The following KPNA1 variants were observed in gnomAD, a reference collection of about 807,000 sequenced individuals.
The protein encoded by KPNA1 is karyopherin subunit alpha 1.
Under a neutral mutation model 70.5 loss-of-function variants are expected in KPNA1, and 10 were observed. That is an observed-to-expected ratio of 0.14 (90% confidence interval 0.09 to 0.24). The LOEUF is 0.24. Among genes scored for constraint, KPNA1 ranks in the 10% least tolerant of loss-of-function variants. The probability of loss-of-function intolerance (pLI) is 1.00; values close to 1 mark genes in which losing one functional copy is unlikely to be tolerated. For synonymous variants in KPNA1, 192 were observed against 221.9 expected (o/e 0.87, Z 1.20); for missense variants, 397 against 637.9 (o/e 0.62, Z 4.07).
chr3:122,471,915 G>A (rs1447394186), intron 2 of KPNA1, among the ~76,000 whole-genome samples: 2 of 152,170 alleles, frequency 1.3e-5, no homozygotes, highest in Non-Finnish European at 2.9e-5. Context: ...AATGCTTAGC[G>A]TGTATAAGCC....
intron 2 of KPNA1, among the ~76,000 whole-genome samples, chr3:122,488,660 G>T (rs895469644): frequency 5.3e-5 from 8 of 152,222 alleles, no homozygotes; most frequent in African/African-American, 1.9e-4. Flanking sequence ...GTCTGGGGGT[G>T]AAGAATTCTT....
chr3:122,436,446 T>TG (rs1477916646), intron 11 of KPNA1, among the ~76,000 whole-genome samples: 1 of 152,218 alleles, frequency 6.6e-6, no homozygotes, highest in South Asian at 2.1e-4. Flanking sequence ...TTTTGCAGCT[T>TG]GGGGGGCATC....
intron 2 of KPNA1, among the ~76,000 whole-genome samples, chr3:122,494,440 G>A (rs1001327787): frequency 2.0e-5 from 3 of 152,188 alleles, no homozygotes; most frequent in Admixed American, 2.0e-4. Context: ...TCAGTTGGTT[G>A]ACAGTATGGG....
intron 1 of KPNA1, among the ~76,000 whole-genome samples, chr3:122,498,087 T>A (rs1276269809): frequency 6.6e-6 from 1 of 152,228 alleles, no homozygotes; most frequent in Non-Finnish European, 1.5e-5. Flanking sequence ...CTCATTTTTT[T>A]GCATGTGTCT....
chr3:122,441,523 A>T (rs1033486641), intron 10 of KPNA1, among the ~76,000 whole-genome samples: 2 of 152,222 alleles, frequency 1.3e-5, no homozygotes, highest in African/African-American at 4.8e-5. Flanking sequence ...AGTCACTATC[A>T]TAGGACAACC....
chr3:122,447,474 C>G (rs2076152672), intron 9 of KPNA1, among the ~76,000 whole-genome samples: 1 of 152,132 alleles, frequency 6.6e-6, no homozygotes, highest in Non-Finnish European at 1.5e-5. Context: ...ATTCAACAGC[C>G]CTTCATGCTA....
intron 10 of KPNA1, among the ~76,000 whole-genome samples, chr3:122,439,633 G>A (rs2076037647): frequency 6.6e-6 from 1 of 152,174 alleles, no homozygotes. Flanking sequence ...ATTATTTCTA[G>A]AGGAAGATAA....
At chr3:122,466,341 A>G (rs1436079046) in intron 3 of KPNA1, among the ~76,000 whole-genome samples, 3 of 152,166 alleles carry the variant, frequency 2.0e-5, no homozygotes, top group Non-Finnish European at 4.4e-5. Context: ...CCAATGGAGA[A>G]AAATACTAGG....
chr3:122,424,406 C>T lies in KPNA1; in HGVS notation c.*2579G>A, dbSNP rs1197621079. 1 of 152,120 alleles carries T rather than the reference C, an allele frequency of 6.6e-6. No homozygotes were observed. Among genetic ancestry groups the T allele is most frequent in the Non-Finnish European group, 1.5e-5 (1 of 68,024 alleles). The allele number at this position is 152,120 out of a possible 1,614,324, so 9.4% of individuals were successfully genotyped here. ...AAAAAGCCTGCTTCAGTACCAAGTT[C>T]CAACATATCTGAGTTATGCTACTTC... On this transcript the variant is annotated 3_prime_UTR_variant, in exon 14 of 14. Transcript: ENST00000344337.
intron 2 of KPNA1, among the ~76,000 whole-genome samples, chr3:122,489,016 T>C (rs918633481): frequency 6.6e-6 from 1 of 150,956 alleles, no homozygotes; most frequent in African/African-American, 2.4e-5. Flanking sequence ...TTTAGCTTTC[T>C]TGAAGTTGTC....
intron 3 of KPNA1, among the ~76,000 whole-genome samples, chr3:122,466,997 T>C (rs1169855510): frequency 7.1e-6 from 1 of 141,808 alleles, no homozygotes; most frequent in African/African-American, 2.6e-5. Context: ...CAAGACCCTG[T>C]CTCTAAAACA....
At chr3:122,478,285 C>T (rs1481010809) in intron 2 of KPNA1, among the ~76,000 whole-genome samples, 2 of 151,978 alleles carry the variant, frequency 1.3e-5, no homozygotes, top group African/African-American at 4.8e-5. Context: ...TTACATCCTT[C>T]GTTCACAAAA....
intron 2 of KPNA1, among the ~76,000 whole-genome samples, chr3:122,494,376 C>T (rs2076733647): frequency 6.6e-6 from 1 of 152,140 alleles, no homozygotes; most frequent in Admixed American, 6.5e-5. Flanking sequence ...CAGCACTATT[C>T]ATTGAATAGG....
intron 1 of KPNA1, among the ~76,000 whole-genome samples, chr3:122,513,603 A>G (rs1229082293): frequency 1.3e-5 from 2 of 152,082 alleles, no homozygotes; most frequent in African/African-American, 4.8e-5. Context: ...CAGGAGTTCC[A>G]GATCAGCCCG....
rs374775950 is a variant in KPNA1, at chr3:122,426,770, T to C, written c.*215A>G. On this transcript the variant is annotated 3_prime_UTR_variant, in exon 14 of 14. Coordinates refer to ENST00000344337, the MANE Select transcript of KPNA1 (RefSeq NM_002264.4). Reference sequence around the variant, plus strand: ...TTTTCCGTAAAAGAGAGTGGGCCGTTCTGGTTACCCTTTTATTAGAAGGGT... The same window carrying C: ...TTTTCCGTAAAAGAGAGTGGGCCGTCCTGGTTACCCTTTTATTAGAAGGGT... 41 of 457,520 alleles carry C rather than the reference T, an allele frequency of 9.0e-5. No homozygotes were observed. The highest frequency in any genetic ancestry group is 8.2e-4 in the African/African-American group (41 of 50,230). The allele number at this position is 457,520 out of a possible 1,614,324, so 28.3% of individuals were successfully genotyped here. A position where few individuals can be genotyped will look rare whatever the true frequency, so the allele number is the denominator to read the frequency against.
intron 11 of KPNA1, among the ~76,000 whole-genome samples, 170 bp downstream of exon 11, chr3:122,437,000 G>A (rs910879269): frequency 2.6e-5 from 4 of 152,142 alleles, no homozygotes; most frequent in African/African-American, 9.7e-5. Flanking sequence ...GGATAGTCTT[G>A]AACTCCTGAC....
intron 1 of KPNA1, among the ~76,000 whole-genome samples, chr3:122,500,160 T>TACA (rs945553566): frequency 1.1e-3 from 167 of 152,284 alleles, no homozygotes; most frequent in African/African-American, 3.9e-3. Flanking sequence ...CTCACTCTGT[T>TACA]GCCCAGGCTG....
intron 5 of KPNA1, among the ~76,000 whole-genome samples, chr3:122,458,132 T>G (rs1235562097): frequency 6.6e-6 from 1 of 152,238 alleles, no homozygotes; most frequent in Non-Finnish European, 1.5e-5. Context: ...AGGCAATATA[T>G]TTATTTCTAG....
At chr3:122,501,088 G>A (rs190283401) in intron 1 of KPNA1, among the ~76,000 whole-genome samples, 30 of 149,402 alleles carry the variant, frequency 2.0e-4, no homozygotes, top group African/African-American at 7.1e-4. Context: ...AAGGGCAGTG[G>A]CATGATCTCG....
Sources: allele counts gnomAD v4.1 joint callset (sites outside exome capture counted in the v4.1 genomes callset), GRCh38; gene constraint gnomAD v4.1.1; transcripts MANE v1.5; gene names NCBI Gene and HGNC (gene_info 2026-07-23, HGNC 2026-07-21).